The following EGFLAM variants were observed in gnomAD, a reference collection of about 807,000 sequenced individuals.
The protein encoded by EGFLAM is EGF like, fibronectin type III and laminin G domains.
In EGFLAM, 79 loss-of-function variants were observed where a neutral mutation model predicts 113.1. The observed-to-expected ratio is 0.70, with a 90% CI of 0.58 to 0.84. The LOEUF is 0.84. Ranked by LOEUF, EGFLAM falls within the 40% of genes least tolerant of loss-of-function variation. The pLI is 0.00. For missense variants in EGFLAM, 1,265 were observed against 1,291.6 expected, an observed-to-expected ratio of 0.98 and a Z score of 0.32; for synonymous variants, 504 against 487.6, an observed-to-expected ratio of 1.03 and a Z score of -0.44.
chr5:38,312,724 A>G (rs1738488397), intron 1 of EGFLAM, among the ~76,000 whole-genome samples: 1 of 152,210 alleles, frequency 6.6e-6, no homozygotes, highest in South Asian at 2.1e-4. Flanking sequence ...TCAAAACTCA[A>G]TTATTACTAT....
At chr5:38,371,765 C>T (rs189047558) in intron 6 of EGFLAM, among the ~76,000 whole-genome samples, 1 of 152,292 alleles carries the variant, frequency 6.6e-6, no homozygotes, top group African/African-American at 2.4e-5. Flanking sequence ...CAAAGGCTGA[C>T]GGCATTCTTC....
At chr5:38,390,676 A>G (rs10213982) in intron 6 of EGFLAM, among the ~76,000 whole-genome samples, 37,091 of 152,094 alleles carry the variant, frequency 0.24, 4,856 homozygotes, top group African/African-American at 0.33. Context: ...ACTTTGAAAT[A>G]CCAATCTGAT....
At chr5:38,326,448 A>G (rs985345378) in intron 1 of EGFLAM, among the ~76,000 whole-genome samples, 1 of 151,846 alleles carries the variant, frequency 6.6e-6, no homozygotes, top group African/African-American at 2.4e-5. Context: ...GTCCTTGTTC[A>G]CAGCACTAAC....
intron 1 of EGFLAM, among the ~76,000 whole-genome samples, chr5:38,325,850 G>A (rs1322440446): frequency 1.3e-5 from 2 of 151,900 alleles, no homozygotes; most frequent in African/African-American, 4.8e-5. Flanking sequence ...AAGAGATTCA[G>A]TATGAAATTT....
intron 6 of EGFLAM, among the ~76,000 whole-genome samples, chr5:38,395,088 GTGCCACCA>G (rs950034864): frequency 5.3e-5 from 8 of 151,974 alleles, no homozygotes; most frequent in Non-Finnish European, 1.2e-4. Flanking sequence ...TTACAGGTCT[GTGCCACCA>G]TGCCCAGCCA....
At chr5:38,351,983 A>G (rs1227333440) in intron 4 of EGFLAM, among the ~76,000 whole-genome samples, 2 of 152,114 alleles carry the variant, frequency 1.3e-5, no homozygotes, top group South Asian at 2.1e-4. Flanking sequence ...CGAACCTCAC[A>G]TGGTGATCAA....
chr5:38,272,455 G>A (rs1046035262), intron 1 of EGFLAM, among the ~76,000 whole-genome samples: 17 of 152,312 alleles, frequency 1.1e-4, no homozygotes, highest in African/African-American at 3.8e-4. Flanking sequence ...TGCGGGAAAA[G>A]GATAAAGCTA....
chr5:38,266,913 G>A (rs1352898724), intron 1 of EGFLAM, among the ~76,000 whole-genome samples: 1 of 152,134 alleles, frequency 6.6e-6, no homozygotes, highest in Admixed American at 6.5e-5. Flanking sequence ...TCACTGCTAG[G>A]GACATGGAAA....
chr5:38,419,175 G>A (rs1005863219), intron 12 of EGFLAM, among the ~76,000 whole-genome samples: 24 of 152,216 alleles, frequency 1.6e-4, no homozygotes, highest in Non-Finnish European at 2.8e-4. Context: ...ACTGGATTAG[G>A]TCCCCACTCT....
intron 1 of EGFLAM, among the ~76,000 whole-genome samples, chr5:38,277,249 A>G (rs2111739391): frequency 6.6e-6 from 1 of 152,312 alleles, no homozygotes; most frequent in Non-Finnish European, 1.5e-5. Context: ...GGATGCAAGC[A>G]TGGTTCAACA....
intron 15 of EGFLAM, among the ~76,000 whole-genome samples, chr5:38,431,999 T>C (rs1355477856): frequency 6.6e-6 from 1 of 152,148 alleles, no homozygotes; most frequent in African/African-American, 2.4e-5. Flanking sequence ...ATAACTTTCC[T>C]CCATGATTTT....
chr5:38,378,310 C>A (rs984204568), intron 6 of EGFLAM, among the ~76,000 whole-genome samples: 1 of 152,134 alleles, frequency 6.6e-6, no homozygotes, highest in South Asian at 2.1e-4. Context: ...CCCAGTTTTG[C>A]TCTGAGATTT....
chr5:38,352,994 T>C (rs1739671563), intron 5 of EGFLAM, among the ~76,000 whole-genome samples: 1 of 152,226 alleles, frequency 6.6e-6, no homozygotes, highest in African/African-American at 2.4e-5. Context: ...AGTAAATATT[T>C]GATGATGCTG....
At chr5:38,330,851 C>T (rs1212051496) in intron 1 of EGFLAM, among the ~76,000 whole-genome samples, 8 of 152,136 alleles carry the variant, frequency 5.3e-5, no homozygotes, top group Admixed American at 3.3e-4. Context: ...TAGGCCTCTT[C>T]GCTTAGCAAT....
At chr5:38,395,908 C>G (rs1740946759) in intron 6 of EGFLAM, among the ~76,000 whole-genome samples, 1 of 152,114 alleles carries the variant, frequency 6.6e-6, no homozygotes, top group South Asian at 2.1e-4. Context: ...TTCATCTTTG[C>G]TTTTCTAGCA....
intron 1 of EGFLAM, among the ~76,000 whole-genome samples, chr5:38,281,580 G>A (rs1758022466): frequency 6.6e-6 from 1 of 152,124 alleles, no homozygotes; most frequent in Non-Finnish European, 1.5e-5. Flanking sequence ...CAGTCTCAAT[G>A]CCTCTTGTAC....
intron 1 of EGFLAM, among the ~76,000 whole-genome samples, chr5:38,302,106 G>A (rs557007885): frequency 2.0e-5 from 3 of 152,076 alleles, no homozygotes; most frequent in Non-Finnish European, 2.9e-5. Flanking sequence ...GCATGGTGAC[G>A]GGCACCTGTA....
rs1380279928 is a variant in EGFLAM, at chr5:38,392,234, T to G, written c.713-13892T>G. Among the ~76,000 whole-genome samples the G allele has an allele frequency of 2.0e-5, 3 of 152,306 alleles. No homozygotes were observed. In the South Asian group the frequency reaches 6.2e-4, roughly 32 times the overall value. On this transcript the variant is annotated intron_variant, in intron 6 of 21. Transcript: ENST00000322350. ...TTTGGTTTTCTGTTTCTACATTAGT[T>G]TACTAGGGATAATGGCCTCCAGCTC...
rs145178945 is a variant in EGFLAM at position 38,444,454 on chromosome 5, G to A, written c.2465-3847G>A. Among the ~76,000 whole-genome samples the A allele has an allele frequency of 4.4e-3, 676 of 152,206 alleles. 4 individuals are homozygous for A. Among genetic ancestry groups the A allele is most frequent in the African/African-American group, 0.014 (596 of 41,512 alleles). ...ATATAGTTTCAAATAACTGGCAGGA[G>A]GACATTTGACTGTTCCCAGCACAAA... is the stretch of plus-strand genomic sequence containing the variant. On this transcript the variant is annotated intron_variant, in intron 17 of 21. Coordinates refer to ENST00000322350, the MANE Select transcript of EGFLAM (RefSeq NM_152403.4).
Sources: gnomAD v4.1 joint callset for allele counts (sites outside exome capture counted in the v4.1 genomes callset) on GRCh38, gnomAD v4.1.1 for gene constraint, MANE v1.5 for transcripts, NCBI Gene and HGNC (gene_info 2026-07-23, HGNC 2026-07-21) for gene names.